MGAT5B: variants seen among roughly 807,000 people sequenced by gnomAD.
MGAT5B encodes N-acetylglucosaminyl-transferase Vb.
In MGAT5B, 54 loss-of-function variants were observed where a neutral mutation model predicts 95.1. The observed-to-expected ratio is 0.57, with a 90% CI of 0.46 to 0.71. The LOEUF is 0.71. Among genes scored for constraint, MGAT5B ranks in the 30% least tolerant of loss-of-function variants. The pLI is 0.00. For missense variants in MGAT5B, 935 were observed against 1,088.6 expected, an observed-to-expected ratio of 0.86 and a Z score of 1.99; for synonymous variants, 464 against 451.0, an observed-to-expected ratio of 1.03 and a Z score of -0.36.
At chr17:76,891,699 T>C (rs964143605) in intron 3 of MGAT5B, among the ~76,000 whole-genome samples, 1 of 152,096 alleles carries the variant, frequency 6.6e-6, no homozygotes, top group Admixed American at 6.5e-5. Context: ...AGGATCGCAA[T>C]ATACAAATTT....
In MGAT5B at chr17:76,907,201, C is replaced by T. The variant is rs532021889; in HGVS notation, c.1025+1014C>T. ...GAGTAGCTGGGATTACAGGCCCACG[C>T]CGCCACGCCAGGCTAATTTTTGTGT... On this transcript the variant is annotated intron_variant, in intron 8 of 17. Coordinates refer to ENST00000569840, the MANE Select transcript of MGAT5B (RefSeq NM_001199172.2). Among the ~76,000 whole-genome samples, 6 of 152,254 alleles carry T rather than the reference C, an allele frequency of 3.9e-5. No homozygotes were observed. In the East Asian group the frequency reaches 1.2e-3, roughly 29 times the overall value.
At chr17:76,947,155 C>T (rs1261366031) in intron 16 of MGAT5B, among the ~76,000 whole-genome samples, 1 of 152,236 alleles carries the variant, frequency 6.6e-6, no homozygotes, top group African/African-American at 2.4e-5. Flanking sequence ...GGGCCTTGGG[C>T]TCAGGGCCCT....
rs1968845361 is a variant in MGAT5B, at chr17:76,914,134, G to GGAAA, written c.1025+7951_1025+7954dup. On this transcript the variant is annotated intron_variant, in intron 8 of 17. Coordinates refer to ENST00000569840, the MANE Select transcript of MGAT5B (RefSeq NM_001199172.2). This position sits in a 1 kb window ranked among gnomAD's most constrained non-coding sequence, Gnocchi z 5.1. ...GAGAAGAAGAAGAAGAAAGAAAGAAGGAAAGAAGGAAGGAAGGAGAGAGAG... is the reference window on the plus strand; with the variant it reads ...GAGAAGAAGAAGAAGAAAGAAAGAAGGAAAGAAAGAAGGAAGGAAGGAGAGAGAG... 5.9e-6 allele frequency: 1 copy of GGAAA among 170,516 alleles called. No homozygotes were observed. Among genetic ancestry groups the GGAAA allele is most frequent in the East Asian group, 1.6e-4 (1 of 6,128 alleles). The allele number at this position is 170,516 out of a possible 1,614,324, so 10.6% of individuals were successfully genotyped here.
intron 12 of MGAT5B, among the ~76,000 whole-genome samples, 181 bp from the exon 13 acceptor site, chr17:76,937,807 C>G (rs1969725824): frequency 6.6e-6 from 1 of 152,194 alleles, no homozygotes; most frequent in Non-Finnish European, 1.5e-5. Flanking sequence ...CCAATCTCTG[C>G]CATTCATAGG....
At chr17:76,926,958 C>T (rs374943535) in intron 10 of MGAT5B, among the ~76,000 whole-genome samples, 15 of 152,112 alleles carry the variant, frequency 9.9e-5, no homozygotes, top group South Asian at 4.1e-4. Context: ...GTGTCCAGGG[C>T]GGGGTGACCT....
intron 8 of MGAT5B, among the ~76,000 whole-genome samples, chr17:76,923,226 C>T (rs548195613): frequency 1.3e-5 from 2 of 152,316 alleles, no homozygotes. Flanking sequence ...TTTCAAGGAG[C>T]CCAGACACAG....
chr17:76,927,858 C>A (rs548536382), intron 10 of MGAT5B, among the ~76,000 whole-genome samples: 2 of 152,344 alleles, frequency 1.3e-5, no homozygotes, highest in African/African-American at 2.4e-5. Flanking sequence ...AGATAAGTAG[C>A]CTTGTTAGGA....
chr17:76,896,722 G>A (rs948339948), intron 3 of MGAT5B, among the ~76,000 whole-genome samples: 2 of 152,098 alleles, frequency 1.3e-5, no homozygotes, highest in African/African-American at 2.4e-5. Flanking sequence ...GACTTCCAGG[G>A]TTTCACTCTT....
At position 76,917,193 on chromosome 17, in the gene MGAT5B, G is replaced by A. The variant is rs1968966925; in HGVS notation, c.1026-7773G>A. On this transcript the variant is annotated intron_variant, in intron 8 of 17. Coordinates refer to ENST00000569840, the MANE Select transcript of MGAT5B (RefSeq NM_001199172.2). This position sits in a 1 kb window ranked among gnomAD's most constrained non-coding sequence, Gnocchi z 6.1. ...TATATTCAGCACACACAGGCCAGTG[G>A]CTCGGGATACGAGTGCGCTGACTGA... Among the ~76,000 whole-genome samples, 1 of 152,178 alleles carries A rather than the reference G, an allele frequency of 6.6e-6. No individual in the cohort carries two copies. The highest frequency in any genetic ancestry group is 2.4e-5 in the African/African-American group (1 of 41,444).
intron 3 of MGAT5B, among the ~76,000 whole-genome samples, chr17:76,896,470 C>T (rs1335835041): frequency 2.0e-5 from 3 of 152,152 alleles, no homozygotes; most frequent in Non-Finnish European, 2.9e-5. Flanking sequence ...TGTAGTCGGG[C>T]GTATGATGCT....
chr17:76,879,739 G>A (rs950669685), intron 2 of MGAT5B, among the ~76,000 whole-genome samples: 1 of 152,202 alleles, frequency 6.6e-6, no homozygotes, highest in African/African-American at 2.4e-5. Context: ...TATTGAATTT[G>A]GATGATGGGC....
chr17:76,943,595 A>T, intron 15 of MGAT5B, among the ~76,000 whole-genome samples: 1 of 129,144 alleles, frequency 7.7e-6, no homozygotes, highest in African/African-American at 3.0e-5. Context: ...TTTTCTTTTT[A>T]TATTATTTGA....
In MGAT5B at chr17:76,940,912, T is replaced by G; in HGVS notation, c.1848+64T>G. 7.2e-7 allele frequency: 1 copy of G among 1,385,038 alleles called. No individual in the cohort carries two copies. Among genetic ancestry groups the G allele is most frequent in the South Asian group, 1.2e-5 (1 of 84,510 alleles). 85.8% of individuals were successfully genotyped at this position (1,385,038 alleles called of 1,614,324 possible). On this transcript the variant is annotated intron_variant, in intron 15 of 17. Coordinates refer to ENST00000569840, the MANE Select transcript of MGAT5B (RefSeq NM_001199172.2). This position sits in a 1 kb window ranked among gnomAD's most constrained non-coding sequence, Gnocchi z 4.3. ...CCACACTGCTGGTCTTCACTCTGAT[T>G]AGAAAACGGTGCCCCCCTCTGGGTG...
intron 8 of MGAT5B, among the ~76,000 whole-genome samples, chr17:76,921,408 T>G (rs937959869): frequency 1.3e-5 from 2 of 152,226 alleles, no homozygotes; most frequent in African/African-American, 2.4e-5. Flanking sequence ...GACTTCACAC[T>G]GAGCAGGGTG....
chr17:76,886,005 C>T (rs927640214), intron 3 of MGAT5B, among the ~76,000 whole-genome samples: 2 of 152,220 alleles, frequency 1.3e-5, no homozygotes, highest in Non-Finnish European at 2.9e-5. Flanking sequence ...TTCTGGGCTG[C>T]CGCCTTCCAC....
chr17:76,904,200 G>T (rs1193086970), intron 5 of MGAT5B, 52 bp from the exon 6 acceptor site: 12 of 1,542,302 alleles, frequency 7.8e-6, no homozygotes, highest in Non-Finnish European at 1.0e-5. Flanking sequence ...GGGAGTCCCC[G>T]AGGGTCAGTG....
Position 76,914,098 on chromosome 17 carries a change from C to CA in MGAT5B, c.1025+7921dup, listed in dbSNP as rs571008441. On this transcript the variant is annotated intron_variant, in intron 8 of 17. Transcript: ENST00000569840. This position sits in a 1 kb window ranked among gnomAD's most constrained non-coding sequence, Gnocchi z 5.1. ...CTTGGGTGACAAAGCAAGACTGTCT[C>CA]AAAAAAAAAAGAGAAGAAGAAGAAG... 871 of 131,528 alleles carry CA rather than the reference C, an allele frequency of 6.6e-3. 5 individuals are homozygous for CA. The highest frequency in any genetic ancestry group is 0.022 in the Middle Eastern group (6 of 268). The allele number at this position is 131,528 out of a possible 1,614,324, so 8.1% of individuals were successfully genotyped here. A position where few individuals can be genotyped will look rare whatever the true frequency, so the allele number is the denominator to read the frequency against.
chr17:76,907,654 G>A (rs1420715065), intron 8 of MGAT5B, among the ~76,000 whole-genome samples: 7 of 152,156 alleles, frequency 4.6e-5, no homozygotes, highest in Non-Finnish European at 8.8e-5. Flanking sequence ...GGTTTTGAAC[G>A]TTGCCGTGGT....
At chr17:76,882,339 G>C (rs770884394) in intron 3 of MGAT5B, 41 bp downstream of exon 3, 1 of 1,522,802 alleles carries the variant, frequency 6.6e-7, no homozygotes, top group East Asian at 2.4e-5. Context: ...GCAGGGGAGC[G>C]GTGGCACCTG....
Sources: allele counts gnomAD v4.1 joint callset (sites outside exome capture counted in the v4.1 genomes callset), GRCh38; gene constraint gnomAD v4.1.1; non-coding constraint Gnocchi (gnomAD v3.1); transcripts MANE v1.5; gene names NCBI Gene and HGNC (gene_info 2026-07-23, HGNC 2026-07-21).